WWOX: variants seen among roughly 807,000 people sequenced by gnomAD.
The protein encoded by WWOX is WW domain containing oxidoreductase, also known as WW domain-containing oxidoreductase.
Under a neutral mutation model 46.2 loss-of-function variants are expected in WWOX, and 69 were observed. The observed-to-expected ratio is 1.49, with a 90% CI of 1.23 to 1.82. WWOX has a LOEUF of 1.82. WWOX is among the 40% of genes most tolerant of loss of function. The pLI, the probability that WWOX is intolerant of heterozygous loss-of-function variation, is 0.00. For synonymous variants in WWOX, 359 were observed against 202.6 expected, an observed-to-expected ratio of 1.77 and a Z score of -6.56; for missense variants, 919 against 542.6, an observed-to-expected ratio of 1.69 and a Z score of -6.89.
At chr16:78,147,684 T>G (rs111704829) in intron 4 of WWOX, among the ~76,000 whole-genome samples, 9 of 88,892 alleles carry the variant, frequency 1.0e-4, no homozygotes, top group Non-Finnish European at 2.1e-4. Flanking sequence ...CCTTTTTTTT[T>G]TTTTTTTTTT....
intron 6 of WWOX, among the ~76,000 whole-genome samples, chr16:78,416,388 A>G (rs979509638): frequency 3.3e-5 from 5 of 152,238 alleles, no homozygotes; most frequent in Non-Finnish European, 5.9e-5. Flanking sequence ...AAAGTCAAGC[A>G]CTTTATAGTT....
At chr16:78,276,368 G>A (rs1228225893) in intron 5 of WWOX, among the ~76,000 whole-genome samples, 1 of 152,236 alleles carries the variant, frequency 6.6e-6, no homozygotes, top group East Asian at 1.9e-4. Flanking sequence ...CATCCAGCAA[G>A]TGGTTTTGAC....
At chr16:78,393,427 G>A (rs1181874762) in intron 6 of WWOX, among the ~76,000 whole-genome samples, 1 of 152,138 alleles carries the variant, frequency 6.6e-6, no homozygotes, top group African/African-American at 2.4e-5. Context: ...GGGAGGCCAA[G>A]GTGAGAGGAT....
chr16:78,566,477 C>A (rs2738530), intron 8 of WWOX, among the ~76,000 whole-genome samples: 2 of 152,190 alleles, frequency 1.3e-5, no homozygotes, highest in Admixed American at 1.3e-4. Context: ...CTTCTCCTCC[C>A]TGATTGTCGC....
intron 4 of WWOX, among the ~76,000 whole-genome samples, chr16:78,131,995 G>A (rs936084506): frequency 1.3e-4 from 20 of 148,544 alleles, no homozygotes; most frequent in African/African-American, 5.0e-4. Context: ...CTTACTACTA[G>A]TCTCTGATTT....
chr16:78,412,180 G>T (rs1177042384), intron 6 of WWOX, among the ~76,000 whole-genome samples: 2 of 152,206 alleles, frequency 1.3e-5, no homozygotes, highest in Non-Finnish European at 2.9e-5. Context: ...CAGTCATGGA[G>T]ACTAAAGGAG....
chr16:79,157,639 C>T (rs1163778892), intron 8 of WWOX, among the ~76,000 whole-genome samples: 2 of 152,122 alleles, frequency 1.3e-5, no homozygotes, highest in Admixed American at 1.3e-4. Flanking sequence ...TTTAGGTATG[C>T]TAAGACCAGC....
intron 8 of WWOX, among the ~76,000 whole-genome samples, chr16:78,466,256 C>A (rs187574082): frequency 1.3e-5 from 2 of 152,100 alleles, no homozygotes; most frequent in Admixed American, 1.3e-4. Context: ...TGGTCTCGAT[C>A]TCCTGACCTT....
intron 8 of WWOX, among the ~76,000 whole-genome samples, chr16:79,092,402 C>T (rs1275431213): frequency 2.0e-5 from 3 of 152,134 alleles, no homozygotes; most frequent in Admixed American, 1.3e-4. Context: ...AAGCCAGAGG[C>T]GATATCACTT....
chr16:78,435,954 A>G (rs77547945), intron 8 of WWOX, among the ~76,000 whole-genome samples: 3,179 of 152,298 alleles, frequency 0.021, 135 homozygotes, highest in African/African-American at 0.073. Flanking sequence ...ACATGTGGCT[A>G]TTGAGTTCTA....
chr16:78,840,559 T>G (rs2052111681), intron 8 of WWOX, among the ~76,000 whole-genome samples: 1 of 152,186 alleles, frequency 6.6e-6, no homozygotes, highest in Non-Finnish European at 1.5e-5. Flanking sequence ...TTAAGCAGTA[T>G]TGTTACACAG....
Position 78,369,489 on chromosome 16 carries a change from T to TC in WWOX, c.517-17370dup, listed in dbSNP as rs748991314. Among the ~76,000 whole-genome samples the TC allele has an allele frequency of 1.4e-4, 21 of 152,088 alleles. No individual in the cohort carries two copies. In the East Asian group the frequency reaches 4.1e-3, roughly 29 times the overall value. ...GTATGCAGCAACTGGTAGGGTCGAGTCTCCTCAGGCACAACATGCAACCAA... is the reference window on the plus strand; with the variant it reads ...GTATGCAGCAACTGGTAGGGTCGAGTCCTCCTCAGGCACAACATGCAACCAA... On this transcript the variant is annotated intron_variant, in intron 5 of 8. Coordinates refer to ENST00000566780, the MANE Select transcript of WWOX (RefSeq NM_016373.4).
chr16:78,714,461 C>A (rs543296653), intron 8 of WWOX, among the ~76,000 whole-genome samples: 1 of 151,938 alleles, frequency 6.6e-6, no homozygotes, highest in Non-Finnish European at 1.5e-5. Flanking sequence ...TACCTCCCAC[C>A]GAGTCCCTCC....
intron 8 of WWOX, among the ~76,000 whole-genome samples, chr16:79,059,608 A>C (rs116254587): frequency 0.026 from 4,015 of 152,234 alleles, 198 homozygotes; most frequent in African/African-American, 0.092. Flanking sequence ...CTCCTGCCTC[A>C]GCCTGCCTCC....
At chr16:79,081,581 A>G (rs1350504703) in intron 8 of WWOX, among the ~76,000 whole-genome samples, 1 of 152,194 alleles carries the variant, frequency 6.6e-6, no homozygotes, top group Non-Finnish European at 1.5e-5. Context: ...GCCCTGAACA[A>G]AAATCTTTAC....
chr16:78,807,801 G>A (rs1446182878), intron 8 of WWOX, among the ~76,000 whole-genome samples: 2 of 152,192 alleles, frequency 1.3e-5, no homozygotes, highest in Non-Finnish European at 2.9e-5. Context: ...GCCACATGTG[G>A]CTATTTAAAC....
At chr16:78,624,643 G>T (rs556532080) in intron 8 of WWOX, among the ~76,000 whole-genome samples, 1 of 152,134 alleles carries the variant, frequency 6.6e-6, no homozygotes, top group Non-Finnish European at 1.5e-5. Flanking sequence ...AAGCTGAGAT[G>T]CTGAGAAGGG....
chr16:78,179,428 A>G (rs1049063252), intron 5 of WWOX, among the ~76,000 whole-genome samples: 12 of 152,226 alleles, frequency 7.9e-5, no homozygotes, highest in Admixed American at 6.5e-4. Context: ...CACTTGACAG[A>G]CAAGAAAACT....
intron 5 of WWOX, chr16:78,270,469 A>T (rs1215209914): frequency 6.6e-6 from 1 of 152,280 alleles, no homozygotes; most frequent in African/African-American, 2.4e-5. Context: ...CTCCTCAGCC[A>T]TGACTGAAAC....
Sources: gnomAD v4.1 joint callset for allele counts (sites outside exome capture counted in the v4.1 genomes callset) on GRCh38, gnomAD v4.1.1 for gene constraint, MANE v1.5 for transcripts, NCBI Gene and HGNC (gene_info 2026-07-23, HGNC 2026-07-21) for gene names.